The following PALS1 variants were observed in gnomAD, a reference collection of about 807,000 sequenced individuals.
PALS1 encodes protein PALS1.
A neutral mutation model predicts 78.9 loss-of-function variants in PALS1; 31 were observed. The ratio of observed to expected loss-of-function variants is 0.39; its 90% CI spans 0.30 to 0.53. The LOEUF (loss-of-function observed/expected upper bound fraction) is 0.53, where lower values mean the gene tolerates loss of function less well. PALS1 is among the 20% of genes least tolerant of loss of function. The pLI is 0.67. For missense variants in PALS1, 704 were observed against 826.5 expected (o/e 0.85, Z 1.82); for synonymous variants, 276 against 270.9 (o/e 1.02, Z -0.18).
At chr14:67,302,353 T>C in intron 6 of PALS1, 57 bp from the exon 7 acceptor site, 1 of 1,253,532 alleles carries the variant, frequency 8.0e-7, no homozygotes, top group Non-Finnish European at 1.0e-6. Flanking sequence ...TAAAAATAAA[T>C]GCTTAACAAA....
In PALS1 at chr14:67,332,899, G is replaced by A. The variant is rs1213328508; in HGVS notation, c.1971G>A (p.Arg657=). ...ATAAAGCCTATCAGGAATTGCTTAG[G>A]TTAATTAACAAACTTGATACTGAAC... ...DLDKAYQELL[R]LINKLDTEPQ... is the part of the protein sequence containing the mutation. The change falls in exon 15 of 15, where the codon AGG becomes AGA. Residue 657 remains arginine, a synonymous_variant. Coordinates refer to ENST00000261681, the MANE Select transcript of PALS1 (RefSeq NM_022474.4). The A allele has an allele frequency of 6.2e-7, 1 of 1,613,880 alleles. No individual in the cohort carries two copies. The highest frequency in any genetic ancestry group is 8.5e-7 in the Non-Finnish European group (1 of 1,179,934).
intron 3 of PALS1, among the ~76,000 whole-genome samples, chr14:67,284,160 AT>A (rs1329238374): frequency 6.6e-6 from 1 of 152,180 alleles, no homozygotes; most frequent in African/African-American, 2.4e-5. Flanking sequence ...CAGAGAGATC[AT>A]CTAACTCTGT....
intron 13 of PALS1, among the ~76,000 whole-genome samples, chr14:67,321,899 T>G (rs1446837036): frequency 6.6e-6 from 1 of 152,210 alleles, no homozygotes; most frequent in Non-Finnish European, 1.5e-5. Context: ...ATTTCCCTTT[T>G]CTGATTCCGA....
intron 2 of PALS1, among the ~76,000 whole-genome samples, chr14:67,276,178 A>G (rs1201812684): frequency 1.3e-5 from 2 of 148,698 alleles, no homozygotes; most frequent in African/African-American, 5.1e-5. Flanking sequence ...AAATGTTTTA[A>G]TTATTCTTAC....
chr14:67,332,471 T>C (rs1292191108), intron 14 of PALS1, among the ~76,000 whole-genome samples: 1 of 152,228 alleles, frequency 6.6e-6, no homozygotes, highest in Non-Finnish European at 1.5e-5. Flanking sequence ...CAAATGTTTG[T>C]AGGGAAACAG....
chr14:67,318,621 A>G (rs1187250251), intron 11 of PALS1, among the ~76,000 whole-genome samples: 2 of 151,922 alleles, frequency 1.3e-5, no homozygotes, highest in African/African-American at 4.9e-5. Context: ...AGAAGGAATT[A>G]CATTTGCTGT....
rs1336338313 is a variant in PALS1 at position 67,333,880 on chromosome 14, A to C, written c.*924A>C. 1 of 152,580 alleles carries C rather than the reference A, an allele frequency of 6.6e-6. No individual in the cohort carries two copies. Among genetic ancestry groups the C allele is most frequent in the Admixed American group, 6.5e-5 (1 of 15,272 alleles). The allele number at this position is 152,580 out of a possible 1,614,324, so 9.5% of individuals were successfully genotyped here. On this transcript the variant is annotated 3_prime_UTR_variant, in exon 15 of 15. Transcript: ENST00000261681. The stretch of plus-strand genomic sequence containing the variant: ...TACATGGGAGGATAGCACATTTGAC[A>C]GTTTTTGCATTTTTATGTATGAGCA...
At chr14:67,296,136 C>T (rs1326756924) in intron 4 of PALS1, among the ~76,000 whole-genome samples, 1 of 151,676 alleles carries the variant, frequency 6.6e-6, no homozygotes, top group Non-Finnish European at 1.5e-5. Context: ...AAGGAAAAAA[C>T]ATAGAAGGAA....
chr14:67,255,224 G>C (rs1398997554), intron 1 of PALS1, among the ~76,000 whole-genome samples: 3 of 152,098 alleles, frequency 2.0e-5, no homozygotes, highest in Admixed American at 6.5e-5. Context: ...TTTCAGGGAA[G>C]GTAATTGATT....
At position 67,321,378 on chromosome 14, in the gene PALS1, T is replaced by C. The variant is rs377308269; in HGVS notation, c.1740+119T>C. 5.5e-6 allele frequency: 5 copies of C among 905,476 alleles called. No individual in the cohort carries two copies. In the East Asian group the frequency reaches 1.2e-4, roughly 22 times the overall value. The allele number at this position is 905,476 out of a possible 1,614,324, so 56.1% of individuals were successfully genotyped here. ...GACCTAATTAAGTTCTCATACGGTT[T>C]TTCCCACTGATTTGCTATCTGAAAT... is the stretch of plus-strand genomic sequence containing the variant. On this transcript the variant is annotated intron_variant, in intron 13 of 14. Transcript: ENST00000261681.
intron 8 of PALS1, among the ~76,000 whole-genome samples, chr14:67,309,646 A>G (rs138948701): frequency 6.6e-6 from 1 of 152,292 alleles, no homozygotes; most frequent in Admixed American, 6.5e-5. Flanking sequence ...GCCTATGGCA[A>G]TGGTCATAAA....
At chr14:67,301,264 G>T in intron 4 of PALS1, 125 bp from the exon 5 acceptor site, 1 of 490,330 alleles carries the variant, frequency 2.0e-6, no homozygotes. Flanking sequence ...ATTCTTTTTA[G>T]TGATTTTATT....
At chr14:67,314,771 A>G (rs538021298) in intron 9 of PALS1, among the ~76,000 whole-genome samples, 1 of 152,340 alleles carries the variant, frequency 6.6e-6, no homozygotes, top group Admixed American at 6.5e-5. Flanking sequence ...ATGGCTTTCC[A>G]TCAGAATTAG....
At chr14:67,308,976 G>A (rs1174337390) in intron 8 of PALS1, among the ~76,000 whole-genome samples, 2 of 151,904 alleles carry the variant, frequency 1.3e-5, no homozygotes, top group South Asian at 4.2e-4. Context: ...TCATCATTAC[G>A]ACTTCAAATG....
chr14:67,250,143 C>G (rs1463360543), intron 1 of PALS1, among the ~76,000 whole-genome samples: 1 of 152,120 alleles, frequency 6.6e-6, no homozygotes, highest in Non-Finnish European at 1.5e-5. Flanking sequence ...CGAAAGTAAC[C>G]CTTCTCCAAG....
intron 1 of PALS1, among the ~76,000 whole-genome samples, chr14:67,266,160 G>C (rs2084319210): frequency 6.6e-6 from 1 of 151,916 alleles, no homozygotes; most frequent in South Asian, 2.1e-4. Context: ...AGTTTACTTT[G>C]AATATATGTT....
intron 3 of PALS1, among the ~76,000 whole-genome samples, chr14:67,290,340 A>T (rs1663602973): frequency 6.6e-6 from 1 of 152,212 alleles, no homozygotes; most frequent in Non-Finnish European, 1.5e-5. Context: ...TATAGTTCTG[A>T]TAGACCAGTG....
intron 4 of PALS1, 21 bp downstream of exon 4, chr14:67,292,740 G>T: frequency 6.3e-7 from 1 of 1,585,712 alleles, no homozygotes; most frequent in Non-Finnish European, 8.7e-7. Flanking sequence ...TAAACATCTT[G>T]TTGATGTCTA....
chr14:67,311,209 G>T (rs1257419504), intron 8 of PALS1, among the ~76,000 whole-genome samples: 1 of 151,002 alleles, frequency 6.6e-6, no homozygotes, highest in Non-Finnish European at 1.5e-5. Context: ...TACTCGGGAG[G>T]CTCAGACAGG....
Sources: gnomAD v4.1 joint callset for allele counts (sites outside exome capture counted in the v4.1 genomes callset) on GRCh38, gnomAD v4.1.1 for gene constraint, MANE v1.5 for transcripts, NCBI Gene and HGNC (gene_info 2026-07-23, HGNC 2026-07-21) for gene names.